The following TENM2 variants were observed in gnomAD, a reference collection of about 807,000 sequenced individuals.
TENM2 encodes teneurin-2.
Under a neutral mutation model 245.2 loss-of-function variants are expected in TENM2, and 52 were observed. The ratio of observed to expected loss-of-function variants is 0.21; its 90% CI spans 0.17 to 0.27. TENM2 has a LOEUF of 0.27. TENM2 is among the 10% of genes least tolerant of loss of function. The pLI, the probability that TENM2 is intolerant of heterozygous loss-of-function variation, is 1.00. For missense variants in TENM2, 3,046 were observed against 3,666.8 expected, an observed-to-expected ratio of 0.83 and a Z score of 4.37; for synonymous variants, 1,363 against 1,438.9, an observed-to-expected ratio of 0.95 and a Z score of 1.19.
At chr5:167,923,565 G>C (rs925095751) in intron 3 of TENM2, among the ~76,000 whole-genome samples, 2 of 152,198 alleles carry the variant, frequency 1.3e-5, no homozygotes, top group Non-Finnish European at 2.9e-5. Context: ...CCAGGGGATA[G>C]GTTGTCAGAT....
At chr5:167,242,645 G>A in the TENM2 span, among the ~76,000 whole-genome samples, 6 of 151,992 alleles carry the variant, frequency 3.9e-5, no homozygotes, top group South Asian at 4.1e-4. Context: ...ATATATTTTC[G>A]CCTCTTTATG....
rs1345513731 is a variant in TENM2, at chr5:167,971,512, C to T, written c.947+18690C>T. 3.9e-5 allele frequency among the ~76,000 whole-genome samples: 6 copies of T among 152,036 alleles called. No individual in the cohort carries two copies. The South Asian group carries it at 1.0e-3, about 26-fold the overall frequency. ...GGTCAGGAGTTCAAGACCAGCCTGA[C>T]GAACATGGTGAAACTTCGTGTCTAT... On this transcript the variant is annotated intron_variant, in intron 4 of 28. Coordinates refer to ENST00000518659, the Ensembl canonical transcript of TENM2.
At chr5:167,947,266 T>C (rs1779703218) in intron 3 of TENM2, among the ~76,000 whole-genome samples, 1 of 152,234 alleles carries the variant, frequency 6.6e-6, no homozygotes, top group African/African-American at 2.4e-5. Flanking sequence ...ATCAGAATGA[T>C]TAATTATATC....
chr5:167,353,270 T>A (rs1348607123), intron 1 of TENM2, among the ~76,000 whole-genome samples: 1 of 147,038 alleles, frequency 6.8e-6, no homozygotes, highest in African/African-American at 2.6e-5. Context: ...GGATAAATGG[T>A]GCTGAACGTT....
At chr5:167,842,274 A>C (rs1172167605) in intron 2 of TENM2, among the ~76,000 whole-genome samples, 4 of 152,064 alleles carry the variant, frequency 2.6e-5, no homozygotes, top group Non-Finnish European at 4.4e-5. Flanking sequence ...AAAAACAAAA[A>C]CAAAAAAACA....
intron 2 of TENM2, among the ~76,000 whole-genome samples, chr5:167,754,659 C>G (rs1762172740): frequency 6.8e-6 from 1 of 147,716 alleles, no homozygotes; most frequent in African/African-American, 2.5e-5. Context: ...CAGAAAACAA[C>G]AGAAATTGTG....
chr5:167,239,299 G>A, the TENM2 span, among the ~76,000 whole-genome samples: 1 of 152,170 alleles, frequency 6.6e-6, no homozygotes, highest in African/African-American at 2.4e-5. Context: ...TAGTTTCAGA[G>A]AGCCATAAAT....
chr5:167,516,243 A>G (rs1324571352), intron 2 of TENM2, among the ~76,000 whole-genome samples: 1 of 152,182 alleles, frequency 6.6e-6, no homozygotes, highest in Non-Finnish European at 1.5e-5. Flanking sequence ...ACTTCCAGAC[A>G]TTGTAAATGC....
In TENM2 at chr5:167,298,087, G is replaced by A. The variant is rs111632756; in HGVS notation, c.226+13024G>A. 1.1e-3 allele frequency among the ~76,000 whole-genome samples: 166 copies of A among 152,190 alleles called. 1 individual carries two copies. Among genetic ancestry groups the A allele is most frequent in the African/African-American group, 3.9e-3 (163 of 41,528 alleles). Reference sequence around the variant, plus strand: ...ATAAGAAAAATAAAATGAAATAGTGGTAAAATGTTGGGGAAAATTTTTGGG... The same window carrying A: ...ATAAGAAAAATAAAATGAAATAGTGATAAAATGTTGGGGAAAATTTTTGGG... On this transcript the variant is annotated intron_variant, in intron 1 of 28. Transcript: ENST00000518659.
chr5:167,197,277 C>G, the TENM2 span, among the ~76,000 whole-genome samples: 196 of 152,194 alleles, frequency 1.3e-3, no homozygotes, highest in Non-Finnish European at 2.4e-3. Flanking sequence ...TGTGCTATTT[C>G]TACAACATGG....
At chr5:168,134,113 C>A (rs898683038) in intron 12 of TENM2, among the ~76,000 whole-genome samples, 4 of 152,022 alleles carry the variant, frequency 2.6e-5, no homozygotes, top group African/African-American at 2.4e-5. Flanking sequence ...TGAGATCATG[C>A]CACTGCACTC....
intron 2 of TENM2, among the ~76,000 whole-genome samples, chr5:167,614,343 A>G (rs575472642): frequency 2.6e-5 from 4 of 151,924 alleles, no homozygotes; most frequent in South Asian, 2.1e-4. Flanking sequence ...CCCTTTCCCT[A>G]CGTTTTGCAT....
chr5:168,101,866 C>G (rs1793841437), intron 9 of TENM2, among the ~76,000 whole-genome samples: 1 of 151,912 alleles, frequency 6.6e-6, no homozygotes, highest in African/African-American at 2.4e-5. Context: ...TTTAAATGGC[C>G]ACAGTTTAAG....
intron 5 of TENM2, among the ~76,000 whole-genome samples, chr5:168,030,280 C>G (rs1434975714): frequency 6.7e-6 from 1 of 149,604 alleles, no homozygotes; most frequent in Non-Finnish European, 1.5e-5. Flanking sequence ...GACCTAGTGC[C>G]TAGACCTGGA....
the TENM2 span, among the ~76,000 whole-genome samples, chr5:167,120,016 G>A: frequency 6.6e-6 from 1 of 152,142 alleles, no homozygotes; most frequent in African/African-American, 2.4e-5. Flanking sequence ...AGCCTCGTAG[G>A]CAAAGCTAAA....
chr5:167,229,496 G>A, the TENM2 span, among the ~76,000 whole-genome samples: 1 of 152,350 alleles, frequency 6.6e-6, no homozygotes, highest in Admixed American at 6.5e-5. Flanking sequence ...AACCCAACTA[G>A]TCTAAGCTGA....
At chr5:167,127,785 C>G in the TENM2 span, among the ~76,000 whole-genome samples, 40 of 151,926 alleles carry the variant, frequency 2.6e-4, no homozygotes, top group Non-Finnish European at 2.9e-5. Context: ...CTTTTTTGTT[C>G]AACAAAGCAA....
At chr5:167,185,944 C>T in the TENM2 span, among the ~76,000 whole-genome samples, 4 of 152,132 alleles carry the variant, frequency 2.6e-5, no homozygotes, top group South Asian at 6.2e-4. Flanking sequence ...CACACTGACT[C>T]CTCGGAATAT....
chr5:168,104,530 C>T (rs899316501), intron 9 of TENM2, among the ~76,000 whole-genome samples: 1 of 152,190 alleles, frequency 6.6e-6, no homozygotes, highest in Non-Finnish European at 1.5e-5. Flanking sequence ...AAGAGAGACT[C>T]CCATCACATC....
Sources: allele counts gnomAD v4.1 joint callset (sites outside exome capture counted in the v4.1 genomes callset), GRCh38; gene constraint gnomAD v4.1.1; transcripts MANE v1.5; gene names NCBI Gene and HGNC (gene_info 2026-07-23, HGNC 2026-07-21).